KCNN2: variants seen among roughly 807,000 people sequenced by gnomAD.
KCNN2 encodes the protein small conductance calcium-activated potassium channel protein 2.
In KCNN2, 24 loss-of-function variants were observed where a neutral mutation model predicts 55.5. The ratio of observed to expected loss-of-function variants is 0.43; its 90% confidence interval spans 0.31 to 0.61. The LOEUF is 0.61. Among genes scored for constraint, KCNN2 ranks in the 20% least tolerant of loss-of-function variants. The pLI, the probability that KCNN2 is intolerant of heterozygous loss-of-function variation, is 0.08. For missense variants in KCNN2, 754 were observed against 853.6 expected, an observed-to-expected ratio of 0.88 and a Z score of 1.45; for synonymous variants, 431 against 336.1, an observed-to-expected ratio of 1.28 and a Z score of -3.09.
intron 1 of KCNN2, among the ~76,000 whole-genome samples, chr5:114,087,061 T>C (rs1234326362): frequency 6.6e-6 from 1 of 152,124 alleles, no homozygotes; most frequent in Non-Finnish European, 1.5e-5. Context: ...TTCATTTTTG[T>C]TGCCAACTTG....
intron 1 of KCNN2, among the ~76,000 whole-genome samples, chr5:114,131,465 T>G (rs1318069570): frequency 6.6e-6 from 1 of 152,222 alleles, no homozygotes; most frequent in Non-Finnish European, 1.5e-5. Context: ...AATCTAGTTC[T>G]TTTTTATGGC....
rs898716492 is a variant in KCNN2, at chr5:114,163,204, G to A, written c.-270-58276G>A. 6.6e-5 allele frequency among the ~76,000 whole-genome samples: 10 copies of A among 152,268 alleles called. No homozygotes were observed. The South Asian group carries it at 1.0e-3, about 16-fold the overall frequency. ...GAATCTTTTGGGCTGAGATAATGGGGTTTTCTAGATGTAGGATCATGTCGT... is the reference window on the plus strand; with the variant it reads ...GAATCTTTTGGGCTGAGATAATGGGATTTTCTAGATGTAGGATCATGTCGT... On this transcript the variant is annotated intron_variant, in intron 1 of 10. Transcript: ENST00000512097.
intron 2 of KCNN2, among the ~76,000 whole-genome samples, chr5:114,225,530 G>T (rs564279000): frequency 1.1e-4 from 16 of 152,234 alleles, no homozygotes; most frequent in Admixed American, 5.2e-4. Context: ...ATATTTGTTT[G>T]TTGTGTTCAA....
chr5:114,180,813 GACA>G (rs1753223608), intron 1 of KCNN2, among the ~76,000 whole-genome samples: 1 of 152,226 alleles, frequency 6.6e-6, no homozygotes, highest in East Asian at 1.9e-4. Flanking sequence ...ACTCCTCAGA[GACA>G]ACCACTGATC....
chr5:114,360,304 GCA>G (rs1226689879), upstream of KCNN2, among the ~76,000 whole-genome samples: 2 of 151,934 alleles, frequency 1.3e-5, no homozygotes. Flanking sequence ...GCGCACACAC[GCA>G]CACTCTGAAA....
At chr5:114,244,821 G>A (rs1390346903) in intron 2 of KCNN2, among the ~76,000 whole-genome samples, 2 of 152,106 alleles carry the variant, frequency 1.3e-5, no homozygotes, top group African/African-American at 4.8e-5. Context: ...AGGTTATGGG[G>A]CTCTAAAGTC....
Position 114,126,992 on chromosome 5 carries a change from C to T in KCNN2, c.-271+70492C>T, listed in dbSNP as rs116667137. Among the ~76,000 whole-genome samples the T allele has an allele frequency of 7.7e-3, 1,166 of 152,308 alleles. 9 individuals carry two copies. The highest frequency in any genetic ancestry group is 0.027 in the African/African-American group (1,114 of 41,564). On this transcript the variant is annotated intron_variant, in intron 1 of 10. Transcript: ENST00000512097. Reference sequence around the variant, plus strand: ...TCTCCTTTGACTCCATGTCTGATATCCAGGTCGCGCTGATGCAAGAGATGG... The same window carrying T: ...TCTCCTTTGACTCCATGTCTGATATTCAGGTCGCGCTGATGCAAGAGATGG...
At chr5:114,176,324 G>GT (rs929399420) in intron 1 of KCNN2, among the ~76,000 whole-genome samples, 22 of 151,452 alleles carry the variant, frequency 1.5e-4, no homozygotes, top group African/African-American at 4.9e-4. Flanking sequence ...ATAATCATAA[G>GT]TTTTTTTTTG....
At chr5:114,475,052 A>T (rs1192887868) in intron 5 of KCNN2, among the ~76,000 whole-genome samples, 1 of 152,202 alleles carries the variant, frequency 6.6e-6, no homozygotes. Context: ...TATCTTAATT[A>T]TTAAAACATT....
rs1294418033 is a variant in KCNN2 at position 114,472,929 on chromosome 5, A to G, written c.1780-125A>G. On this transcript the variant is annotated intron_variant, in intron 4 of 7. Transcript: ENST00000673685. The stretch of plus-strand genomic sequence containing the variant: ...GTGTTGATCACACATTTTCTGTAAT[A>G]CTTATTGAAGACAATGTTTTTAATC... 1.8e-5 allele frequency: 10 copies of G among 556,186 alleles called. No homozygotes were observed. In the East Asian group the frequency reaches 2.6e-4, roughly 14 times the overall value. The allele number at this position is 556,186 out of a possible 1,614,324, so 34.5% of individuals were successfully genotyped here. A position where few individuals can be genotyped will look rare whatever the true frequency, so the allele number is the denominator to read the frequency against.
intron 3 of KCNN2, among the ~76,000 whole-genome samples, chr5:114,449,317 G>T (rs1429412601): frequency 1.3e-5 from 2 of 152,108 alleles, no homozygotes; most frequent in South Asian, 4.1e-4. Context: ...AGGGTAGAAG[G>T]GAGCAAAACC....
intron 1 of KCNN2, among the ~76,000 whole-genome samples, chr5:114,162,021 C>T (rs1229202274): frequency 6.6e-6 from 1 of 152,188 alleles, no homozygotes; most frequent in Non-Finnish European, 1.5e-5. Context: ...CATTCTCTGT[C>T]CAGCTTTGTT....
intron 1 of KCNN2, among the ~76,000 whole-genome samples, chr5:114,196,345 C>A (rs948930177): frequency 1.3e-5 from 2 of 151,782 alleles, no homozygotes; most frequent in African/African-American, 4.8e-5. Flanking sequence ...CTTGTGATAT[C>A]TTTTATATCA....
At chr5:114,293,278 A>G (rs1338253392) in intron 2 of KCNN2, among the ~76,000 whole-genome samples, 24 of 152,146 alleles carry the variant, frequency 1.6e-4, no homozygotes, top group Non-Finnish European at 3.2e-4. Context: ...CCAGTTTTCA[A>G]AGGGAATGCT....
intron 1 of KCNN2, among the ~76,000 whole-genome samples, chr5:114,103,306 C>T (rs978522480): frequency 6.6e-6 from 1 of 152,144 alleles, no homozygotes; most frequent in African/African-American, 2.4e-5. Flanking sequence ...AGTTGCTTAT[C>T]GGCTTAAGAA....
chr5:114,381,780 A>G (rs1433364553), intron 2 of KCNN2, among the ~76,000 whole-genome samples: 2 of 152,118 alleles, frequency 1.3e-5, no homozygotes, highest in African/African-American at 2.4e-5. Context: ...TTCTGTGGCT[A>G]TGCTTTACCT....
chr5:114,161,771 C>T (rs1270026117), intron 1 of KCNN2, among the ~76,000 whole-genome samples: 1 of 152,180 alleles, frequency 6.6e-6, no homozygotes, highest in East Asian at 1.9e-4. Context: ...ATCGCCTATA[C>T]CCTTTCTTCC....
chr5:114,425,204 G>A (rs1759583294), intron 3 of KCNN2, among the ~76,000 whole-genome samples: 1 of 152,204 alleles, frequency 6.6e-6, no homozygotes, highest in Admixed American at 6.5e-5. Context: ...TAACTATCAT[G>A]CTTTTAAATA....
At chr5:114,297,113 T>G (rs1006354559) in intron 2 of KCNN2, among the ~76,000 whole-genome samples, 2 of 152,200 alleles carry the variant, frequency 1.3e-5, no homozygotes, top group African/African-American at 2.4e-5. Context: ...AAATATAGGA[T>G]TGAATATTCA....
Sources: gnomAD v4.1 joint callset for allele counts (sites outside exome capture counted in the v4.1 genomes callset) on GRCh38, gnomAD v4.1.1 for gene constraint, MANE v1.5 for transcripts, NCBI Gene and HGNC (gene_info 2026-07-23, HGNC 2026-07-21) for gene names.